TMTC3: variants seen among roughly 807,000 people sequenced by gnomAD.
TMTC3 encodes transmembrane O-mannosyltransferase targeting cadherins 3.
Under a neutral mutation model 92.2 loss-of-function variants are expected in TMTC3, and 52 were observed. That is an observed-to-expected ratio of 0.56 (90% CI 0.45 to 0.71). The LOEUF is 0.71. Among genes scored for constraint, TMTC3 ranks in the 30% least tolerant of loss-of-function variants. The probability of loss-of-function intolerance (pLI) is 0.00; values close to 1 mark genes in which losing one functional copy is unlikely to be tolerated. For synonymous variants in TMTC3, 339 were observed against 363.3 expected, an observed-to-expected ratio of 0.93 and a Z score of 0.76; for missense variants, 896 against 1,057.1, an observed-to-expected ratio of 0.85 and a Z score of 2.11.
At chr12:88,163,701 C>T (rs1388461680) in intron 6 of TMTC3, among the ~76,000 whole-genome samples, 2 of 152,036 alleles carry the variant, frequency 1.3e-5, no homozygotes, top group Non-Finnish European at 2.9e-5. Context: ...GTATCTCTTT[C>T]TTCTCTTTTT....
At chr12:88,187,455 T>A (rs1177807186) in intron 10 of TMTC3, among the ~76,000 whole-genome samples, 2 of 152,058 alleles carry the variant, frequency 1.3e-5, no homozygotes, top group Non-Finnish European at 2.9e-5. Context: ...AGTATCTGAC[T>A]TTTTTTTAAA....
At chr12:88,183,537 C>T (rs186673640) in intron 10 of TMTC3, among the ~76,000 whole-genome samples, 1 of 152,140 alleles carries the variant, frequency 6.6e-6, no homozygotes, top group East Asian at 1.9e-4. Flanking sequence ...TATTTTTGCC[C>T]TTTACTGGTG....
At chr12:88,143,013 A>C (rs893884819) in intron 1 of TMTC3, among the ~76,000 whole-genome samples, 2 of 152,078 alleles carry the variant, frequency 1.3e-5, no homozygotes, top group African/African-American at 4.8e-5. Flanking sequence ...TCTGGTGTTT[A>C]CCACTCTTAC....
intron 10 of TMTC3, among the ~76,000 whole-genome samples, chr12:88,185,310 A>G (rs144835835): frequency 1.3e-5 from 2 of 151,778 alleles, no homozygotes; most frequent in Non-Finnish European, 2.9e-5. Context: ...AAAATTGTGT[A>G]TGAATGGAAT....
At chr12:88,182,652 TA>T (rs1229999080) in intron 10 of TMTC3, among the ~76,000 whole-genome samples, 1 of 152,166 alleles carries the variant, frequency 6.6e-6, no homozygotes, top group Non-Finnish European at 1.5e-5. Context: ...CTTATAAACT[TA>T]AAAGTACTGG....
intron 12 of TMTC3, among the ~76,000 whole-genome samples, 185 bp from the exon 13 acceptor site, chr12:88,192,419 A>G (rs560638493): frequency 6.6e-6 from 1 of 152,300 alleles, no homozygotes; most frequent in South Asian, 2.1e-4. Context: ...AGCCAAATAT[A>G]CTGAACTAAG....
At chr12:88,189,146 T>G (rs1169862761) in intron 11 of TMTC3, among the ~76,000 whole-genome samples, 200 bp downstream of exon 11, 1 of 151,186 alleles carries the variant, frequency 6.6e-6, no homozygotes, top group Non-Finnish European at 1.5e-5. Context: ...CAGACTGGAG[T>G]GCAGTGGCAC....
Position 88,153,500 on chromosome 12 carries a change from C to T in TMTC3, c.399C>T (p.His133=), listed in dbSNP as rs2468230. 2.5e-5 allele frequency: 40 copies of T among 1,595,558 alleles called. No individual in the cohort carries two copies. The African/African-American group carries it at 4.4e-4, about 18-fold the overall frequency. Reference sequence around the variant, plus strand: ...TACTTTTTGCAGTGCACCCAATACACACAGAAGCAGTAAGTAAAACTATGA... The same window carrying T: ...TACTTTTTGCAGTGCACCCAATACATACAGAAGCAGTAAGTAAAACTATGA... ...ASLLFAVHPI[H]TEAVTGVVGR... Residue 133 remains histidine, a synonymous_variant, in exon 3 of 14, where the codon CAC becomes CAT. Transcript: ENST00000266712.
chr12:88,170,856 G>C (rs1401228779), intron 7 of TMTC3, among the ~76,000 whole-genome samples: 1 of 152,124 alleles, frequency 6.6e-6, no homozygotes, highest in Non-Finnish European at 1.5e-5. Flanking sequence ...AGTTTTTTAT[G>C]GGTGTATAAT....
intron 10 of TMTC3, among the ~76,000 whole-genome samples, chr12:88,179,717 C>G (rs2041296416): frequency 6.6e-6 from 1 of 151,830 alleles, no homozygotes; most frequent in Non-Finnish European, 1.5e-5. Context: ...AGAGTGCAGC[C>G]CCCGTAAGCA....
intron 6 of TMTC3, 105 bp downstream of exon 6, chr12:88,160,956 T>A: frequency 8.6e-7 from 1 of 1,157,860 alleles, no homozygotes; most frequent in Non-Finnish European, 1.2e-6. Flanking sequence ...TTAACAGTTT[T>A]ATTAAGCTAT....
intron 1 of TMTC3, 38 bp from the exon 2 acceptor site, chr12:88,148,250 A>G (rs1396384239): frequency 2.2e-6 from 3 of 1,361,378 alleles, no homozygotes; most frequent in Non-Finnish European, 2.0e-6. Context: ...CTTGGAATAA[A>G]TATGTTCCTT....
rs1401296269 is a variant in TMTC3 at position 88,196,767 on chromosome 12, A to G, written c.*1118A>G. The G allele has an allele frequency of 1.3e-5, 2 of 151,896 alleles. No homozygotes were observed. Among genetic ancestry groups the G allele is most frequent in the East Asian group, 1.9e-4 (1 of 5,206 alleles). The allele number at this position is 151,896 out of a possible 1,614,324, so 9.4% of individuals were successfully genotyped here. ...TTTTAATCATCAAGTATGGAAAACA[A>G]ATTACTATTGCATTTTCCTATATAT... On this transcript the variant is annotated 3_prime_UTR_variant, in exon 14 of 14. Coordinates refer to ENST00000266712, the MANE Select transcript of TMTC3 (RefSeq NM_181783.4).
chr12:88,160,777 C>T lies in TMTC3; in HGVS notation c.723C>T (p.Val241=). ...TGCAGACACTAGTAAAACTCATTGT[C>T]TTGATGTTCAGTACATTATTACTTG... The part of the protein sequence containing the change: ...SMLQTLVKLI[V]LMFSTLLLVV... Residue 241 remains valine, a synonymous_variant, in exon 6 of 14, where the codon GTC becomes GTT. Coordinates refer to ENST00000266712, the MANE Select transcript of TMTC3 (RefSeq NM_181783.4). 1.2e-6 allele frequency: 2 copies of T among 1,613,512 alleles called. No homozygotes were observed. Among genetic ancestry groups the T allele is most frequent in the Non-Finnish European group, 8.5e-7 (1 of 1,179,694 alleles).
Position 88,153,487 on chromosome 12 carries a change from T to G in TMTC3, c.386T>G (p.Val129Gly). The G allele has an allele frequency of 6.2e-7, 1 of 1,610,984 alleles. No individual in the cohort carries two copies. Residue 129 changes from valine (V) to glycine (G), a missense_variant, in exon 3 of 14, where the codon GTG becomes GGG. Coordinates refer to ENST00000266712, the MANE Select transcript of TMTC3 (RefSeq NM_181783.4). ...SSVIASLLFA[V>G]HPIHTEAVTG... ...GTGATTGCTTCTTTACTTTTTGCAGTGCACCCAATACACACAGAAGCAGTA... is the reference window on the plus strand; with the variant it reads ...GTGATTGCTTCTTTACTTTTTGCAGGGCACCCAATACACACAGAAGCAGTA...
chr12:88,186,228 C>G (rs1306745122), intron 10 of TMTC3, among the ~76,000 whole-genome samples: 1 of 152,134 alleles, frequency 6.6e-6, no homozygotes, highest in East Asian at 1.9e-4. Context: ...GAACCAGTGT[C>G]TAATAACTAC....
At chr12:88,179,480 T>G (rs555544774) in intron 10 of TMTC3, among the ~76,000 whole-genome samples, 21 of 152,320 alleles carry the variant, frequency 1.4e-4, no homozygotes, top group Non-Finnish European at 2.9e-4. Context: ...TATATAAGAC[T>G]TAGGCCAGTT....
chr12:88,162,959 G>T (rs1343344100), intron 6 of TMTC3, among the ~76,000 whole-genome samples: 6 of 148,722 alleles, frequency 4.0e-5, no homozygotes, highest in Non-Finnish European at 8.9e-5. Flanking sequence ...TTGTTGCCCA[G>T]GGCTGGAGTG....
At chr12:88,158,431 T>TG (rs1391905040) in intron 4 of TMTC3, among the ~76,000 whole-genome samples, 2 of 152,108 alleles carry the variant, frequency 1.3e-5, no homozygotes. Context: ...AATTTAGCAT[T>TG]GTAGTGTAAT....
Sources: gnomAD v4.1 joint callset for allele counts (sites outside exome capture counted in the v4.1 genomes callset) on GRCh38, gnomAD v4.1.1 for gene constraint, MANE v1.5 for transcripts, NCBI Gene and HGNC (gene_info 2026-07-23, HGNC 2026-07-21) for gene names.